Variants in TENT2 observed in about 807,000 individuals in gnomAD.
TENT2 encodes terminal nucleotidyltransferase 2.
A neutral mutation model predicts 72.2 loss-of-function variants in TENT2; 44 were observed. The ratio of observed to expected loss-of-function variants is 0.61; its 90% CI spans 0.48 to 0.78. TENT2 has a LOEUF of 0.78. Among genes scored for constraint, TENT2 ranks in the 30% least tolerant of loss-of-function variants. The pLI, the probability that TENT2 is intolerant of heterozygous loss-of-function variation, is 0.00. For synonymous variants in TENT2, 212 were observed against 192.5 expected (o/e 1.10, Z -0.84); for missense variants, 541 against 569.6 (o/e 0.95, Z 0.51).
At chr5:79,684,088 G>A (rs1252993431) in intron 14 of TENT2, among the ~76,000 whole-genome samples, 1 of 152,050 alleles carries the variant, frequency 6.6e-6, no homozygotes, top group Non-Finnish European at 1.5e-5. Context: ...TTGTTTAGTT[G>A]TAAAACCAAT....
chr5:79,646,997 G>C (rs1013463950), intron 8 of TENT2, among the ~76,000 whole-genome samples: 4 of 151,912 alleles, frequency 2.6e-5, no homozygotes, highest in Non-Finnish European at 5.9e-5. Context: ...TCGAACCCCT[G>C]GCCTCAAGCA....
Position 79,640,913 on chromosome 5 carries a change from G to T in TENT2, c.528G>T (p.Lys176Asn). ...TCQQQISDLK[K>N]KELCRTQLQR... is the part of the protein sequence containing the mutation. ...AGCAGCAAATAAGTGATTTAAAGAA[G>T]AAAGAACTCTGTCGAACACAGCTGC... The change falls in exon 5 of 15, where the codon AAG (lysine) becomes AAT (asparagine). Residue 176 changes from lysine (K) to asparagine (N), a missense_variant. Physicochemically the swap from Lys to Asn is moderately conservative, Grantham distance 94 (BLOSUM62 0). Transcript: ENST00000453514. 1 of 1,612,446 alleles carries T rather than the reference G, an allele frequency of 6.2e-7. No individual in the cohort carries two copies.
chr5:79,658,734 CT>C (rs1178985899), intron 11 of TENT2, among the ~76,000 whole-genome samples: 4 of 152,138 alleles, frequency 2.6e-5, no homozygotes, highest in Non-Finnish European at 5.9e-5. Context: ...ACATGAAGCT[CT>C]TTTTACTAAT....
At chr5:79,682,351 C>T (rs1357016923) in intron 14 of TENT2, among the ~76,000 whole-genome samples, 5 of 152,148 alleles carry the variant, frequency 3.3e-5, no homozygotes, top group African/African-American at 4.8e-5. Flanking sequence ...ACAGTCTCAG[C>T]TCACTGCATC....
chr5:79,683,331 A>AC (rs1823596609), intron 14 of TENT2, among the ~76,000 whole-genome samples: 1 of 151,600 alleles, frequency 6.6e-6, no homozygotes, highest in Non-Finnish European at 1.5e-5. Flanking sequence ...ACACACACAC[A>AC]CACACACACA....
chr5:79,662,973 C>G (rs150956475), intron 11 of TENT2, among the ~76,000 whole-genome samples: 260 of 152,292 alleles, frequency 1.7e-3, no homozygotes, highest in African/African-American at 6.1e-3. Flanking sequence ...ATCTGTTGTT[C>G]AGTGTAGCCA....
chr5:79,650,027 C>T (rs1792489831), intron 10 of TENT2, among the ~76,000 whole-genome samples: 1 of 152,028 alleles, frequency 6.6e-6, no homozygotes, highest in African/African-American at 2.4e-5. Flanking sequence ...ACCAACTGAA[C>T]ATATGAATAT....
chr5:79,654,548 T>C (rs3891351), intron 10 of TENT2, among the ~76,000 whole-genome samples: 30,858 of 152,050 alleles, frequency 0.2, 4,621 homozygotes, highest in African/African-American at 0.42. Flanking sequence ...CTGGTAGACA[T>C]TTTAAAATTG....
chr5:79,658,558 G>C (rs1233485238), intron 11 of TENT2, among the ~76,000 whole-genome samples: 2 of 152,020 alleles, frequency 1.3e-5, no homozygotes, highest in Non-Finnish European at 2.9e-5. Flanking sequence ...GTACTGAAAG[G>C]TCATATTTCA....
chr5:79,656,250 A>T (rs559253789), intron 10 of TENT2, among the ~76,000 whole-genome samples: 6 of 152,022 alleles, frequency 3.9e-5, no homozygotes, highest in Admixed American at 2.0e-4. Flanking sequence ...AATTAATGAG[A>T]TTGGATTTGT....
Position 79,641,339 on chromosome 5 carries a change from G to A in TENT2, c.672+143G>A. 6 of 591,802 alleles carry A rather than the reference G, an allele frequency of 1.0e-5. 1 individual carries two copies. In the South Asian group the frequency reaches 1.6e-4, roughly 16 times the overall value. 36.7% of individuals were successfully genotyped at this position (591,802 alleles called of 1,614,324 possible). ...TTTACCATAATTGCAGGAAACCTAGGTAATTTTTTATTTTTAAGGCATGTG... is the reference window on the plus strand; with the variant it reads ...TTTACCATAATTGCAGGAAACCTAGATAATTTTTTATTTTTAAGGCATGTG... On this transcript the variant is annotated intron_variant, in intron 6 of 14. Coordinates refer to ENST00000453514, the MANE Select transcript of TENT2 (RefSeq NM_001114394.3).
chr5:79,654,721 G>A (rs1264578614), intron 10 of TENT2, among the ~76,000 whole-genome samples: 2 of 151,840 alleles, frequency 1.3e-5, no homozygotes, highest in Non-Finnish European at 2.9e-5. Context: ...CCCAAATCGT[G>A]CCACTGTACT....
chr5:79,668,226 A>G (rs1810046385), intron 11 of TENT2, among the ~76,000 whole-genome samples: 2 of 151,994 alleles, frequency 1.3e-5, no homozygotes, highest in African/African-American at 4.8e-5. Flanking sequence ...CAGGCAAATA[A>G]TATCCTCTTT....
chr5:79,655,031 G>A (rs1191314791), intron 10 of TENT2, among the ~76,000 whole-genome samples: 2 of 151,936 alleles, frequency 1.3e-5, no homozygotes, highest in Non-Finnish European at 2.9e-5. Context: ...TTTTTACTTT[G>A]CCTTTGAGAG....
chr5:79,629,655 G>A (rs1410539369), intron 4 of TENT2, among the ~76,000 whole-genome samples: 4 of 150,092 alleles, frequency 2.7e-5, no homozygotes, highest in African/African-American at 7.4e-5. Flanking sequence ...GTGAAACCCC[G>A]TCTTTACTAA....
At chr5:79,645,637 T>TG (rs1788242628) in intron 8 of TENT2, among the ~76,000 whole-genome samples, 1 of 152,136 alleles carries the variant, frequency 6.6e-6, no homozygotes, top group African/African-American at 2.4e-5. Flanking sequence ...AACAGCAAAA[T>TG]ATACTTGTTC....
chr5:79,665,664 A>G lies in TENT2; in HGVS notation c.1072-3228A>G, dbSNP rs552578063. ...TTAACAGGTTATACATTTGATTATC[A>G]GAAGCCCAGAATAAGATACCAACCT... On this transcript the variant is annotated intron_variant, in intron 11 of 14. Coordinates refer to ENST00000453514, the MANE Select transcript of TENT2 (RefSeq NM_001114394.3). Among the ~76,000 whole-genome samples, 7 of 152,348 alleles carry G rather than the reference A, an allele frequency of 4.6e-5. No homozygotes were observed. The South Asian group carries it at 1.0e-3, about 23-fold the overall frequency.
At chr5:79,622,487 G>GA (rs1339216233) in intron 3 of TENT2, among the ~76,000 whole-genome samples, 10 of 152,038 alleles carry the variant, frequency 6.6e-5, no homozygotes, top group Admixed American at 6.6e-4. Context: ...AAAACCTCCA[G>GA]AAAAAGAATA....
At chr5:79,668,746 G>A in intron 11 of TENT2, 146 bp from the exon 12 acceptor site, 1 of 850,020 alleles carries the variant, frequency 1.2e-6, no homozygotes, top group Non-Finnish European at 1.8e-6. Context: ...AGTCTTTAGT[G>A]GAAGAAAAAT....
Sources: gnomAD v4.1 joint callset for allele counts (sites outside exome capture counted in the v4.1 genomes callset) on GRCh38, gnomAD v4.1.1 for gene constraint, MANE v1.5 for transcripts, NCBI Gene and HGNC (gene_info 2026-07-23, HGNC 2026-07-21) for gene names.